SLC38A4: variants seen among roughly 807,000 people sequenced by gnomAD.
The protein encoded by SLC38A4 is sodium-coupled neutral amino acid transporter 4.
SLC38A4 carries 20 observed loss-of-function variants against 63.1 expected under a neutral mutation model. The observed-to-expected ratio is 0.32, with a 90% CI of 0.22 to 0.46. SLC38A4 has a LOEUF of 0.46. Ranked by LOEUF, SLC38A4 falls within the 20% of genes least tolerant of loss-of-function variation. SLC38A4 has a pLI of 1.00. For missense variants in SLC38A4, 526 were observed against 663.6 expected (o/e 0.79, Z 2.28); for synonymous variants, 230 against 225.5 (o/e 1.02, Z -0.18).
intron 3 of SLC38A4, among the ~76,000 whole-genome samples, chr12:46,790,189 G>A (rs1435546621): frequency 6.6e-6 from 1 of 152,160 alleles, no homozygotes; most frequent in African/African-American, 2.4e-5. Context: ...ATAATCTGGA[G>A]AGGAAAGAGG....
chr12:46,791,436 G>T (rs143940828), intron 3 of SLC38A4, among the ~76,000 whole-genome samples: 34 of 152,256 alleles, frequency 2.2e-4, no homozygotes, highest in African/African-American at 7.2e-4. Flanking sequence ...GGCCTCTCTA[G>T]TCCGACATCC....
At chr12:46,808,460 T>C (rs1358460851) in intron 1 of SLC38A4, among the ~76,000 whole-genome samples, 1 of 151,968 alleles carries the variant, frequency 6.6e-6, no homozygotes, top group East Asian at 1.9e-4. Flanking sequence ...ATTTATTGAC[T>C]TTGCCACAGA....
At chr12:46,771,765 T>C (rs1218623445) in intron 14 of SLC38A4, among the ~76,000 whole-genome samples, 1 of 152,090 alleles carries the variant, frequency 6.6e-6, no homozygotes, top group East Asian at 1.9e-4. Context: ...GTAGTGAGCC[T>C]AGGACCAAAA....
chr12:46,787,167 T>C (rs917898082), intron 5 of SLC38A4, among the ~76,000 whole-genome samples: 12 of 152,198 alleles, frequency 7.9e-5, no homozygotes, highest in Admixed American at 6.5e-4. Flanking sequence ...TAAGGTTTGG[T>C]CACTCAACAA....
At chr12:46,804,705 G>A (rs963717598) in intron 1 of SLC38A4, among the ~76,000 whole-genome samples, 10 of 151,838 alleles carry the variant, frequency 6.6e-5, no homozygotes, top group African/African-American at 9.7e-5. Context: ...AAATGTGCCC[G>A]TTTGGTCTAT....
rs1217408061 is a variant in SLC38A4 at position 46,825,887 on chromosome 12, A to G, written c.-305+16T>C. 6.6e-6 allele frequency: 1 copy of G among 152,416 alleles called. No homozygotes were observed. Among genetic ancestry groups the G allele is most frequent in the Non-Finnish European group, 1.5e-5 (1 of 68,168 alleles). 9.4% of individuals were successfully genotyped at this position (152,416 alleles called of 1,614,324 possible). A position where few individuals can be genotyped will look rare whatever the true frequency, so the allele number is the denominator to read the frequency against. On this transcript the variant is annotated intron_variant, in intron 1 of 16. Transcript: ENST00000266579. The stretch of plus-strand genomic sequence containing the variant: ...GACCCTCTAACCAAGTTGCCACGCA[A>G]AAGCAGCAAGCAAACCTGTGTGAGT...
chr12:46,768,192 G>T (rs2465584), intron 16 of SLC38A4, 118 bp downstream of exon 16: 487,726 of 670,768 alleles, frequency 0.73, 181,988 homozygotes, highest in Middle Eastern at 0.8. Flanking sequence ...TTCTAGCCCA[G>T]TTTTGATTTT....
chr12:46,773,521 G>A lies in SLC38A4; in HGVS notation c.1299+1528C>T, dbSNP rs577571093. Among the ~76,000 whole-genome samples the A allele has an allele frequency of 3.9e-5, 6 of 152,184 alleles. 2 individuals are homozygous for A. Among genetic ancestry groups the A allele is most frequent in the African/African-American group, 1.4e-4 (6 of 41,548 alleles). On this transcript the variant is annotated intron_variant, in intron 14 of 16. Coordinates refer to ENST00000266579, the MANE Select transcript of SLC38A4 (RefSeq NM_018018.5). ...ACTCTGGTTCTTATGGTCAATTTTGGTTCTAATGGCATCTAATGTTTACAC... is the reference window on the plus strand; with the variant it reads ...ACTCTGGTTCTTATGGTCAATTTTGATTCTAATGGCATCTAATGTTTACAC...
upstream of SLC38A4, among the ~76,000 whole-genome samples, chr12:46,830,615 C>T (rs995836781): frequency 6.6e-6 from 1 of 152,174 alleles, no homozygotes; most frequent in African/African-American, 2.4e-5. Context: ...CTTTCCGCTT[C>T]CTTTAAGGTG....
Position 46,779,677 on chromosome 12 carries a change from T to A in SLC38A4, c.659-8A>T, listed in dbSNP as rs1260182047. 6.2e-7 allele frequency: 1 copy of A among 1,602,698 alleles called. No homozygotes were observed. Among genetic ancestry groups the A allele is most frequent in the Non-Finnish European group, 8.5e-7 (1 of 1,176,440 alleles). ...TGGTATAGCCAAGATAACCTAGAAG[T>A]TAGAAGAAGCATTTTGGAAGGTGAA... On this transcript the variant is annotated splice_region_variant and splice_polypyrimidine_tract_variant and intron_variant, in intron 9 of 16. Coordinates refer to ENST00000266579, the MANE Select transcript of SLC38A4 (RefSeq NM_018018.5).
chr12:46,799,782 C>T (rs1939092692), intron 2 of SLC38A4, among the ~76,000 whole-genome samples: 1 of 152,056 alleles, frequency 6.6e-6, no homozygotes, highest in Non-Finnish European at 1.5e-5. Flanking sequence ...CATCTGTCTA[C>T]AGCACAAAGT....
At position 46,769,434 on chromosome 12, in the gene SLC38A4, A is replaced by G; in HGVS notation, c.1300-6T>C. 1 of 1,610,724 alleles carries G rather than the reference A, an allele frequency of 6.2e-7. No homozygotes were observed. The highest frequency in any genetic ancestry group is 8.5e-7 in the Non-Finnish European group (1 of 1,177,538). ...GTGATCACTGATGTACGAATCTTAA[A>G]CAAGAAAGTTCAAAGGCAAGATCAT... is the stretch of plus-strand genomic sequence containing the variant. On this transcript the variant is annotated splice_polypyrimidine_tract_variant and splice_region_variant and intron_variant, in intron 14 of 16. Coordinates refer to ENST00000266579, the MANE Select transcript of SLC38A4 (RefSeq NM_018018.5).
At chr12:46,811,755 A>T (rs1489411491) in intron 1 of SLC38A4, among the ~76,000 whole-genome samples, 4 of 151,864 alleles carry the variant, frequency 2.6e-5, no homozygotes, top group African/African-American at 9.7e-5. Context: ...CCCTCGAGAG[A>T]GTGTTTATGT....
At chr12:46,775,293 G>A in intron 13 of SLC38A4, 120 bp from the exon 14 acceptor site, 1 of 1,243,118 alleles carries the variant, frequency 8.0e-7, no homozygotes, top group East Asian at 2.6e-5. Flanking sequence ...TGGGAATCCA[G>A]GCACCTCTGG....
chr12:46,779,635 G>A lies in SLC38A4; in HGVS notation c.693C>T (p.Thr231=), dbSNP rs1938598398. 1.2e-6 allele frequency: 2 copies of A among 1,606,716 alleles called. No individual in the cohort carries two copies. Among genetic ancestry groups the A allele is most frequent in the Non-Finnish European group, 1.7e-6 (2 of 1,177,740 alleles). Residue 231 remains threonine, a synonymous_variant, in exon 10 of 17, where the codon ACC becomes ACT. Coordinates refer to ENST00000266579, the MANE Select transcript of SLC38A4 (RefSeq NM_018018.5). ...YLGYTSGFSL[T]CMVFFVSVVI... ...CCACACTAACAAAAAACACCATGCAGGTAAGAGAAAATCCACTGGTATAGC... is the reference window on the plus strand; with the variant it reads ...CCACACTAACAAAAAACACCATGCAAGTAAGAGAAAATCCACTGGTATAGC...
upstream of SLC38A4, among the ~76,000 whole-genome samples, chr12:46,828,494 G>T (rs1335168629): frequency 3.3e-5 from 5 of 151,966 alleles, no homozygotes; most frequent in Non-Finnish European, 7.4e-5. Context: ...GCTAATTTTT[G>T]TAATTTTTAG....
At chr12:46,768,671 T>G (rs1938347542) in intron 15 of SLC38A4, among the ~76,000 whole-genome samples, 1 of 151,980 alleles carries the variant, frequency 6.6e-6, no homozygotes, top group South Asian at 2.1e-4. Flanking sequence ...TTAACACAAA[T>G]TTACAGGGGA....
In SLC38A4 at chr12:46,805,101, A is replaced by C. The variant is rs957200725; in HGVS notation, c.-304-1307T>G. Among the ~76,000 whole-genome samples, 5 of 152,144 alleles carry C rather than the reference A, an allele frequency of 3.3e-5. 1 individual carries two copies. The South Asian group carries it at 8.3e-4, about 25-fold the overall frequency. ...ATATGTTAATTTGATATTAAATTAT[A>C]ATATCATTTAAAATCGGGTGGAGAT... On this transcript the variant is annotated intron_variant, in intron 1 of 16. Transcript: ENST00000266579.
chr12:46,791,003 C>T (rs1272534408), intron 3 of SLC38A4, among the ~76,000 whole-genome samples: 1 of 152,130 alleles, frequency 6.6e-6, no homozygotes, highest in African/African-American at 2.4e-5. Context: ...GAACACATTG[C>T]ATGAAGCTTA....
Sources: gnomAD v4.1 joint callset for allele counts (sites outside exome capture counted in the v4.1 genomes callset) on GRCh38, gnomAD v4.1.1 for gene constraint, MANE v1.5 for transcripts, NCBI Gene and HGNC (gene_info 2026-07-23, HGNC 2026-07-21) for gene names.